The following PTPN9 variants were observed in gnomAD, a reference collection of about 807,000 sequenced individuals.
The protein encoded by PTPN9 is tyrosine-protein phosphatase non-receptor type 9.
PTPN9 carries 26 observed loss-of-function variants against 69.8 expected under a neutral mutation model. That is an observed-to-expected ratio of 0.37 (90% CI 0.27 to 0.52). PTPN9 has a LOEUF of 0.52. Ranked by LOEUF, PTPN9 falls within the 20% of genes least tolerant of loss-of-function variation. PTPN9 has a pLI of 0.91. For synonymous variants in PTPN9, 274 were observed against 272.5 expected (o/e 1.01, Z -0.05); for missense variants, 549 against 740.3 (o/e 0.74, Z 3.00).
intron 1 of PTPN9, among the ~76,000 whole-genome samples, chr15:75,541,907 G>A (rs995815195): frequency 1.3e-5 from 2 of 151,630 alleles, no homozygotes; most frequent in Non-Finnish European, 1.5e-5. Context: ...GAGTGGTGGC[G>A]TGCACCTGTA....
At chr15:75,501,562 T>A (rs2074772933) in intron 7 of PTPN9, among the ~76,000 whole-genome samples, 1 of 150,778 alleles carries the variant, frequency 6.6e-6, no homozygotes, top group African/African-American at 2.4e-5. Flanking sequence ...CCTCCCGGGC[T>A]CAAGTGATCC....
At chr15:75,552,965 C>T (rs1020952255) in intron 1 of PTPN9, among the ~76,000 whole-genome samples, 3 of 151,866 alleles carry the variant, frequency 2.0e-5, no homozygotes, top group South Asian at 2.1e-4. Flanking sequence ...TAAAAAGCAA[C>T]GGCCTTTAGA....
chr15:75,564,323 G>A (rs979100457), intron 1 of PTPN9, among the ~76,000 whole-genome samples: 2 of 152,110 alleles, frequency 1.3e-5, no homozygotes, highest in Non-Finnish European at 2.9e-5. Flanking sequence ...GGCCAGGTGC[G>A]GTGGCTCACG....
At chr15:75,572,830 G>A (rs547220135) in intron 1 of PTPN9, among the ~76,000 whole-genome samples, 1 of 152,288 alleles carries the variant, frequency 6.6e-6, no homozygotes, top group East Asian at 1.9e-4. Flanking sequence ...TTGAAATGGA[G>A]AGTTGACAAC....
At chr15:75,501,637 T>C (rs2074773318) in intron 7 of PTPN9, among the ~76,000 whole-genome samples, 1 of 151,918 alleles carries the variant, frequency 6.6e-6, no homozygotes, top group South Asian at 2.1e-4. Flanking sequence ...TTTTTTATTT[T>C]TGTAGAGGTA....
At chr15:75,540,544 A>T (rs1408283929) in intron 1 of PTPN9, among the ~76,000 whole-genome samples, 9 of 121,270 alleles carry the variant, frequency 7.4e-5, no homozygotes, top group African/African-American at 3.2e-4. Flanking sequence ...CTCTGTCTCT[A>T]AAAAAAAAAA....
At chr15:75,571,170 GA>G (rs1211603175) in intron 1 of PTPN9, among the ~76,000 whole-genome samples, 1 of 151,744 alleles carries the variant, frequency 6.6e-6, no homozygotes, top group Non-Finnish European at 1.5e-5. Flanking sequence ...TGAGGCAGGA[GA>G]ATTGCTTGAA....
chr15:75,541,768 G>A (rs975501941), intron 1 of PTPN9, among the ~76,000 whole-genome samples: 1 of 149,908 alleles, frequency 6.7e-6, no homozygotes, highest in Admixed American at 6.6e-5. Context: ...GTGCAGTAGT[G>A]CGATCTCAGC....
chr15:75,484,436 G>A (rs1298732518), intron 8 of PTPN9, among the ~76,000 whole-genome samples: 1 of 152,210 alleles, frequency 6.6e-6, no homozygotes, highest in Non-Finnish European at 1.5e-5. Context: ...CTGAATTAAT[G>A]CAAAGCAACT....
intron 1 of PTPN9, among the ~76,000 whole-genome samples, chr15:75,536,597 G>A (rs1272502019): frequency 6.6e-6 from 1 of 152,136 alleles, no homozygotes; most frequent in Non-Finnish European, 1.5e-5. Flanking sequence ...GGCTTATTGG[G>A]GATATCATAT....
chr15:75,512,219 T>G (rs1231843283), intron 5 of PTPN9, among the ~76,000 whole-genome samples: 1 of 152,156 alleles, frequency 6.6e-6, no homozygotes, highest in Non-Finnish European at 1.5e-5. Flanking sequence ...ATTCTTTTTT[T>G]TTTTTTAAGA....
intron 10 of PTPN9, 76 bp from the exon 11 acceptor site, chr15:75,470,906 A>G: frequency 6.5e-7 from 1 of 1,534,634 alleles, no homozygotes; most frequent in Non-Finnish European, 8.8e-7. Context: ...CAAAGACCTG[A>G]TATACCCCCA....
chr15:75,482,859 G>A (rs1301222471), intron 8 of PTPN9, among the ~76,000 whole-genome samples: 42 of 151,798 alleles, frequency 2.8e-4, no homozygotes, highest in Non-Finnish European at 4.4e-5. Flanking sequence ...GGAGGCTGAG[G>A]CAGGAGAATG....
At chr15:75,493,876 G>A (rs1020221546) in intron 7 of PTPN9, among the ~76,000 whole-genome samples, 4 of 151,950 alleles carry the variant, frequency 2.6e-5, no homozygotes, top group African/African-American at 9.7e-5. Context: ...TTTTGTAAAT[G>A]AAGTTTTACT....
intron 7 of PTPN9, among the ~76,000 whole-genome samples, chr15:75,504,446 C>T (rs2074802238): frequency 7.2e-6 from 1 of 138,090 alleles, no homozygotes; most frequent in African/African-American, 2.8e-5. Context: ...GATCAGCCCC[C>T]CGCCCGGCCA....
At chr15:75,529,042 A>C (rs1340516783) in intron 1 of PTPN9, among the ~76,000 whole-genome samples, 1 of 151,674 alleles carries the variant, frequency 6.6e-6, no homozygotes, top group Non-Finnish European at 1.5e-5. Flanking sequence ...GCTGGAGTGC[A>C]GTGGTGCGAT....
Position 75,466,561 on chromosome 15 carries a change from ACAGT to A in PTPN9, c.*2204_*2207del, listed in dbSNP as rs2074537279. ...CCTACATCAGGAGGTCCTAGCTAGG[ACAGT>A]CAGTCACCAACCCTGTCACCCTTCG... On this transcript the variant is annotated 3_prime_UTR_variant, in exon 13 of 13. Coordinates refer to ENST00000618819, the MANE Select transcript of PTPN9 (RefSeq NM_002833.4). The A allele has an allele frequency of 6.6e-6, 1 of 152,204 alleles. No homozygotes were observed. The highest frequency in any genetic ancestry group is 2.1e-4 in the South Asian group (1 of 4,836). The allele number at this position is 152,204 out of a possible 1,614,324, so 9.4% of individuals were successfully genotyped here. A position where few individuals can be genotyped will look rare whatever the true frequency, so the allele number is the denominator to read the frequency against.
At chr15:75,500,545 A>G (rs951535168) in intron 7 of PTPN9, among the ~76,000 whole-genome samples, 1 of 152,090 alleles carries the variant, frequency 6.6e-6, no homozygotes, top group East Asian at 1.9e-4. Flanking sequence ...CAACAACAAC[A>G]AAAAAGACTT....
chr15:75,519,618 T>C (rs2074892169), intron 4 of PTPN9, among the ~76,000 whole-genome samples: 8 of 151,844 alleles, frequency 5.3e-5, no homozygotes, highest in Admixed American at 5.3e-4. Flanking sequence ...TACTCCTTTT[T>C]CTTATTTATT....
Sources: gnomAD v4.1 joint callset for allele counts (sites outside exome capture counted in the v4.1 genomes callset) on GRCh38, gnomAD v4.1.1 for gene constraint, MANE v1.5 for transcripts, NCBI Gene and HGNC (gene_info 2026-07-23, HGNC 2026-07-21) for gene names.